The following CAPN1 variants were observed in gnomAD, a reference collection of about 807,000 sequenced individuals.
CAPN1 encodes the protein calpain 1.
CAPN1 carries 77 observed loss-of-function variants against 105.2 expected under a neutral mutation model. The observed-to-expected ratio is 0.73, with a 90% CI of 0.61 to 0.88. The LOEUF (loss-of-function observed/expected upper bound fraction) is 0.88, where lower values mean the gene tolerates loss of function less well. CAPN1 is among the 40% of genes least tolerant of loss of function. The pLI is 0.00. For synonymous variants in CAPN1, 355 were observed against 388.8 expected (o/e 0.91, Z 1.02); for missense variants, 833 against 976.6 (o/e 0.85, Z 1.96).
At chr11:65,202,107 G>A (rs1201813787) in intron 10 of CAPN1, among the ~76,000 whole-genome samples, 2 of 152,184 alleles carry the variant, frequency 1.3e-5, no homozygotes, top group Non-Finnish European at 2.9e-5. Context: ...TTACAGGCGT[G>A]AGCCACTGCG....
chr11:65,187,390 T>C (rs934918598), intron 7 of CAPN1, 92 bp downstream of exon 7: 3 of 836,030 alleles, frequency 3.6e-6, no homozygotes, highest in African/African-American at 1.7e-5. Context: ...CTGTGGAAGG[T>C]GCTGGCTCCT....
rs145458878 is a variant in CAPN1 at position 65,198,864 on chromosome 11, G to A, written c.1166-5819G>A. Among the ~76,000 whole-genome samples the A allele has an allele frequency of 3.0e-3, 457 of 151,876 alleles. 2 individuals are homozygous for A. The highest frequency in any genetic ancestry group is 5.2e-3 in the Non-Finnish European group (350 of 67,918). On this transcript the variant is annotated intron_variant, in intron 10 of 21. Coordinates refer to ENST00000279247, the MANE Select transcript of CAPN1 (RefSeq NM_005186.4). The stretch of plus-strand genomic sequence containing the variant: ...GGGTTGGGGGGCAGTTGACGGAGTC[G>A]CGCTCTGTCGCCCAGGCTGGAGTGC...
chr11:65,182,538 G>T, intron 1 of CAPN1, 163 bp from the exon 2 acceptor site: 1 of 670,156 alleles, frequency 1.5e-6, no homozygotes, highest in South Asian at 2.5e-5. Flanking sequence ...GGGAGCACCG[G>T]GAGGTGGCTG....
chr11:65,188,276 A>G lies in CAPN1; in HGVS notation c.930-138A>G, dbSNP rs1036703570. ...GGCCCTGATGAGACCACCCCCTAGA[A>G]GCGGAACCTTGGCGCTTGACCTTGA... On this transcript the variant is annotated intron_variant, in intron 8 of 21. Coordinates refer to ENST00000279247, the MANE Select transcript of CAPN1 (RefSeq NM_005186.4). This position sits in a 1 kb window ranked among gnomAD's most constrained non-coding sequence, Gnocchi z 5.5. 1.2e-4 allele frequency: 93 copies of G among 778,244 alleles called. 1 individual carries two copies. The highest frequency in any genetic ancestry group is 7.8e-4 in the Middle Eastern group (3 of 3,844). The allele number at this position is 778,244 out of a possible 1,614,324, so 48.2% of individuals were successfully genotyped here. A position where few individuals can be genotyped will look rare whatever the true frequency, so the allele number is the denominator to read the frequency against.
At chr11:65,181,638 G>A (rs1590845215), upstream of CAPN1, 1 of 344,232 alleles carries the variant, frequency 2.9e-6, no homozygotes, top group South Asian at 2.0e-5. The surrounding 1 kb of genome is among the most constrained non-coding windows in gnomAD (Gnocchi z 4.6). Context: ...CTCCCCCTCC[G>A]TTCCCCGCGG....
chr11:65,210,708 C>T lies in CAPN1; in HGVS notation c.2060-106C>T. The T allele has an allele frequency of 3.2e-6, 3 of 924,836 alleles. No homozygotes were observed. The highest frequency in any genetic ancestry group is 1.8e-6 in the Non-Finnish European group (1 of 554,448). 57.3% of individuals were successfully genotyped at this position (924,836 alleles called of 1,614,324 possible). A position where few individuals can be genotyped will look rare whatever the true frequency, so the allele number is the denominator to read the frequency against. ...CTTCAAGGGGTGTCAGCTTGCGGTA[C>T]TGTGGGGAGGTAGAGAGGGACCAGG... On this transcript the variant is annotated intron_variant, in intron 20 of 21. Transcript: ENST00000279247. This position sits in a 1 kb window ranked among gnomAD's most constrained non-coding sequence, Gnocchi z 4.3.
chr11:65,185,791 T>G (rs987435013), intron 4 of CAPN1, 126 bp from the exon 5 acceptor site: 3 of 957,440 alleles, frequency 3.1e-6, no homozygotes, highest in Non-Finnish European at 4.6e-6. Context: ...ATTTACATGA[T>G]TTAGTCTATG....
intron 7 of CAPN1, 98 bp downstream of exon 7, chr11:65,187,396 C>A: frequency 2.6e-6 from 2 of 784,160 alleles, no homozygotes; most frequent in Non-Finnish European, 4.3e-6. Context: ...AAGGTGCTGG[C>A]TCCTCCTTTC....
intron 14 of CAPN1, among the ~76,000 whole-genome samples, chr11:65,207,078 T>G (rs934773990): frequency 2.0e-5 from 3 of 152,158 alleles, no homozygotes; most frequent in African/African-American, 7.2e-5. Flanking sequence ...TGTTACCTCA[T>G]TTCCTCCCCA....
intron 21 of CAPN1, 156 bp downstream of exon 21, chr11:65,211,028 G>C (rs879191198): frequency 1.3e-6 from 1 of 781,052 alleles, no homozygotes; most frequent in Non-Finnish European, 2.1e-6. Flanking sequence ...CTGGGGTGGG[G>C]GTGTCTGGAT....
chr11:65,197,267 G>C (rs1948804279), intron 10 of CAPN1, among the ~76,000 whole-genome samples: 1 of 152,004 alleles, frequency 6.6e-6, no homozygotes, highest in African/African-American at 2.4e-5. Context: ...CATCCTAATG[G>C]CTTTGCCAAT....
At chr11:65,200,667 G>T (rs1324554861) in intron 10 of CAPN1, among the ~76,000 whole-genome samples, 1 of 151,970 alleles carries the variant, frequency 6.6e-6, no homozygotes, top group African/African-American at 2.4e-5. Flanking sequence ...TTGAGACAGT[G>T]TCTCATTCTG....
At position 65,183,216 on chromosome 11, in the gene CAPN1, G is replaced by A. The variant is rs369597923; in HGVS notation, c.337+19G>A. Reference sequence around the variant, plus strand: ...GCACTGGGTAGGCCCCCAGGGCGTCGGGTCCCGGGTATTTTTTCCACAGTA... The same window carrying A: ...GCACTGGGTAGGCCCCCAGGGCGTCAGGTCCCGGGTATTTTTTCCACAGTA... On this transcript the variant is annotated intron_variant, in intron 3 of 21. Transcript: ENST00000279247. 75 of 1,611,756 alleles carry A rather than the reference G, an allele frequency of 4.7e-5. No individual in the cohort carries two copies. The highest frequency in any genetic ancestry group is 5.0e-5 in the Admixed American group (3 of 59,992).
Position 65,206,534 on chromosome 11 carries a change from G to C in CAPN1, c.1425G>C (p.Glu475Asp). ...CCAATGCGTCTCGGGCGCGCTCAGA[G>C]CAGTTCATCAACCTGCGAGAGGTCA... The part of the protein sequence containing the change: ...FLANASRARS[E>D]QFINLREVST... The change falls in exon 13 of 22, where the codon GAG (glutamate) becomes GAC (aspartate). Residue 475 changes from glutamate to aspartate, a missense_variant. By Grantham distance (45) the Glu-to-Asp change is conservative (BLOSUM62 2). Transcript: ENST00000279247. The C allele has an allele frequency of 1.9e-6, 3 of 1,613,462 alleles. No individual in the cohort carries two copies. The highest frequency in any genetic ancestry group is 2.5e-6 in the Non-Finnish European group (3 of 1,179,878).
chr11:65,204,930 G>A (rs572183416), intron 11 of CAPN1, 72 bp downstream of exon 11: 32 of 1,360,624 alleles, frequency 2.4e-5, no homozygotes, highest in Non-Finnish European at 3.1e-5. Flanking sequence ...CCGCAGTGCA[G>A]GCGGGCTTCC....
At chr11:65,193,576 CAG>C (rs1948748853) in intron 10 of CAPN1, among the ~76,000 whole-genome samples, 1 of 132,816 alleles carries the variant, frequency 7.5e-6, no homozygotes, top group Admixed American at 8.9e-5. Flanking sequence ...ACCTGGGAGA[CAG>C]AGCTTGCAGT....
chr11:65,188,487 T>C lies in CAPN1; in HGVS notation c.1003T>C (p.Trp335Arg). Residue 335 changes from tryptophan to arginine, a missense_variant and splice_region_variant, in exon 9 of 22, where the codon TGG becomes CGG. Coordinates refer to ENST00000279247, the MANE Select transcript of CAPN1 (RefSeq NM_005186.4). The surrounding 1 kb of genome is among the most constrained non-coding windows in gnomAD (Gnocchi z 5.5). ...GGTCAAGATGGAGGACGGGGAGTTCTGGTGAGCGCCCCCTCCCCTTCTACC... is the reference window on the plus strand; with the variant it reads ...GGTCAAGATGGAGGACGGGGAGTTCCGGTGAGCGCCCCCTCCCCTTCTACC... ...LRVKMEDGEF[W>R]MSFRDFMREF... The C allele has an allele frequency of 6.2e-7, 1 of 1,612,916 alleles. No individual in the cohort carries two copies. The highest frequency in any genetic ancestry group is 8.5e-7 in the Non-Finnish European group (1 of 1,179,404).
At chr11:65,196,761 A>G (rs1358409563) in intron 10 of CAPN1, among the ~76,000 whole-genome samples, 1 of 152,238 alleles carries the variant, frequency 6.6e-6, no homozygotes, top group East Asian at 1.9e-4. Context: ...AAAACATAAA[A>G]AAATTTCTAA....
chr11:65,210,797 T>A lies in CAPN1; in HGVS notation c.2060-17T>A. ...ACTGAGTTTTCAGCCCTGTATCACC[T>A]TTTCTTGAACACACAGGATTTTTCA... On this transcript the variant is annotated splice_polypyrimidine_tract_variant and intron_variant, in intron 20 of 21. Coordinates refer to ENST00000279247, the MANE Select transcript of CAPN1 (RefSeq NM_005186.4). This position sits in a 1 kb window ranked among gnomAD's most constrained non-coding sequence, Gnocchi z 4.3. The A allele has an allele frequency of 6.2e-7, 1 of 1,609,964 alleles. No individual in the cohort carries two copies. The highest frequency in any genetic ancestry group is 1.1e-5 in the South Asian group (1 of 90,972).
Sources: gnomAD v4.1 joint callset for allele counts (sites outside exome capture counted in the v4.1 genomes callset) on GRCh38, gnomAD v4.1.1 for gene constraint, Gnocchi (gnomAD v3.1) non-coding constraint, MANE v1.5 for transcripts, NCBI Gene and HGNC (gene_info 2026-07-23, HGNC 2026-07-21) for gene names.